The following RNF6 variants were observed in gnomAD, a reference collection of about 807,000 sequenced individuals.
RNF6 encodes the protein ring finger protein 6, also known as E3 ubiquitin-protein ligase RNF6.
Under a neutral mutation model 50.1 loss-of-function variants are expected in RNF6, and 21 were observed. The ratio of observed to expected loss-of-function variants is 0.42; its 90% CI spans 0.30 to 0.60. The LOEUF is 0.60. Among genes scored for constraint, RNF6 ranks in the 20% least tolerant of loss-of-function variants. The pLI, the probability that RNF6 is intolerant of heterozygous loss-of-function variation, is 0.20. For missense variants in RNF6, 698 were observed against 838.2 expected, an observed-to-expected ratio of 0.83 and a Z score of 2.07; for synonymous variants, 255 against 291.8, an observed-to-expected ratio of 0.87 and a Z score of 1.29.
chr13:26,185,833 C>T (rs1482654462), intron 5 of RNF6, among the ~76,000 whole-genome samples: 1 of 152,206 alleles, frequency 6.6e-6, no homozygotes, highest in African/African-American at 2.4e-5. Flanking sequence ...CGCCTAACTA[C>T]GAACCTTGTG....
At chr13:26,170,709 T>C (rs1327403850) in intron 5 of RNF6, among the ~76,000 whole-genome samples, 2 of 152,190 alleles carry the variant, frequency 1.3e-5, no homozygotes, top group African/African-American at 4.8e-5. Context: ...AGTACCTCCC[T>C]AAACACTTCT....
intron 2 of RNF6, 116 bp from the exon 3 acceptor site, chr13:26,219,783 G>GT (rs1267491484): frequency 1.2e-6 from 1 of 859,638 alleles, no homozygotes; most frequent in African/African-American, 1.7e-5. Context: ...CCCAAATACT[G>GT]TATTTGCCAA....
At chr13:26,217,145 G>A (rs1003746410) in intron 4 of RNF6, among the ~76,000 whole-genome samples, 14 of 152,166 alleles carry the variant, frequency 9.2e-5, no homozygotes, top group Non-Finnish European at 2.1e-4. Flanking sequence ...TATATTTGAT[G>A]AGTACATTTT....
chr13:26,137,066 C>G (rs922991315), intron 5 of RNF6, among the ~76,000 whole-genome samples: 1 of 152,158 alleles, frequency 6.6e-6, no homozygotes, highest in Non-Finnish European at 1.5e-5. Flanking sequence ...AGCTACAGCT[C>G]CTTCGAAAAT....
chr13:26,219,968 C>T (rs1338639973), intron 2 of RNF6, among the ~76,000 whole-genome samples: 2 of 152,184 alleles, frequency 1.3e-5, no homozygotes, highest in African/African-American at 2.4e-5. Context: ...TGTTGACGAT[C>T]TGGAAAAGTT....
At chr13:26,161,518 T>C (rs1872214082) in intron 5 of RNF6, among the ~76,000 whole-genome samples, 1 of 152,248 alleles carries the variant, frequency 6.6e-6, no homozygotes, top group South Asian at 2.1e-4. Context: ...TGTTTTATTT[T>C]TGAAAATATT....
intron 5 of RNF6, among the ~76,000 whole-genome samples, chr13:26,168,012 A>C (rs301061): frequency 2.6e-5 from 4 of 152,214 alleles, no homozygotes; most frequent in African/African-American, 4.8e-5. Context: ...ACATGGACAC[A>C]AAGAGGAAAA....
intron 5 of RNF6, among the ~76,000 whole-genome samples, chr13:26,183,985 A>G (rs1167350415): frequency 7.2e-6 from 1 of 138,774 alleles, no homozygotes; most frequent in Non-Finnish European, 1.5e-5. Flanking sequence ...ACCAGCAGAT[A>G]AATAAAATAT....
At chr13:26,219,319 A>T (rs1196775669) in intron 3 of RNF6, 138 bp downstream of exon 3, 2 of 709,634 alleles carry the variant, frequency 2.8e-6, no homozygotes, top group Non-Finnish European at 4.4e-6. Context: ...TATACTAAAA[A>T]GTTCTTAAAC....
At chr13:26,171,892 C>T (rs748444884) in intron 5 of RNF6, among the ~76,000 whole-genome samples, 9 of 152,114 alleles carry the variant, frequency 5.9e-5, no homozygotes, top group East Asian at 3.9e-4. Flanking sequence ...TAGAAGTTAT[C>T]GGGGCTAGGG....
rs1593206653 is a variant in RNF6 at position 26,222,278 on chromosome 13, T to A, written c.-377A>T. The A allele has an allele frequency of 6.6e-6, 1 of 151,648 alleles. No homozygotes were observed. The highest frequency in any genetic ancestry group is 6.6e-5 in the Admixed American group (1 of 15,222). The allele number at this position is 151,648 out of a possible 1,614,324, so 9.4% of individuals were successfully genotyped here. ...ACGCCGCCCACTTGGCGGCGGGGAG[T>A]CGCTCCGCAGCCGGCCCGGAGCTCG... On this transcript the variant is annotated 5_prime_UTR_variant, in exon 1 of 5. Coordinates refer to ENST00000381588, the MANE Select transcript of RNF6 (RefSeq NM_005977.4).
intron 5 of RNF6, among the ~76,000 whole-genome samples, chr13:26,152,416 T>A (rs769926101): frequency 3.9e-5 from 6 of 152,226 alleles, no homozygotes; most frequent in Non-Finnish European, 7.3e-5. Flanking sequence ...AAATGTCACC[T>A]CTTTTCAGTA....
At chr13:26,221,485 G>C (rs1484160329) in intron 1 of RNF6, 155 bp from the exon 2 acceptor site, 1 of 152,120 alleles carries the variant, frequency 6.6e-6, no homozygotes, top group Non-Finnish European at 1.5e-5. Context: ...ATACAATTAG[G>C]TCACGAAAAC....
intron 1 of RNF6, 21 bp downstream of exon 1, chr13:26,221,982 A>T (rs1466012175): frequency 6.6e-6 from 1 of 152,322 alleles, no homozygotes; most frequent in African/African-American, 2.4e-5. Context: ...GGTGGGACCC[A>T]GATCTTTCCC....
intron 5 of RNF6, chr13:26,142,497 A>T (rs1435670050): frequency 6.6e-6 from 1 of 152,194 alleles, no homozygotes; most frequent in Non-Finnish European, 1.5e-5. Context: ...GGTGGACTGG[A>T]TAAAGAAAAT....
downstream of RNF6, among the ~76,000 whole-genome samples, chr13:26,208,328 G>A (rs1236734201): frequency 6.6e-6 from 1 of 152,194 alleles, no homozygotes; most frequent in Non-Finnish European, 1.5e-5. Context: ...GAGGGTGCCT[G>A]TATGACCAGC....
At chr13:26,184,018 A>ATATATATATATATATATATTTTT (rs1335766541) in intron 5 of RNF6, among the ~76,000 whole-genome samples, 1 of 33,942 alleles carries the variant, frequency 2.9e-5, no homozygotes, top group African/African-American at 9.3e-5. Context: ...ATATATATAT[A>ATATATATATATATATATATTTTT]TTTTTTTTTT....
At chr13:26,163,350 C>T (rs1013218192) in intron 5 of RNF6, among the ~76,000 whole-genome samples, 5 of 151,860 alleles carry the variant, frequency 3.3e-5, no homozygotes, top group African/African-American at 1.2e-4. Flanking sequence ...AGTTTTGTTT[C>T]GTCCATACTC....
In RNF6 at chr13:26,183,926, AT is replaced by A. The variant is rs1263349265; in HGVS notation, n.768+31547del. On this transcript the variant is annotated intron_variant and non_coding_transcript_variant, in intron 5 of 5. Coordinates refer to the RNF6 transcript ENST00000468480. ...TATATATGTAATATATACAATATTT[AT>A]TTTTTTATAATTATTCATATATATA... 9.9e-3 allele frequency among the ~76,000 whole-genome samples: 1,399 copies of A among 140,686 alleles called. 44 individuals are homozygous for A. The highest frequency in any genetic ancestry group is 0.064 in the Admixed American group (897 of 13,908). The allele number at this position is 140,686 out of a possible 152,430, so 92.3% of individuals were successfully genotyped here.
Sources: allele counts gnomAD v4.1 joint callset (sites outside exome capture counted in the v4.1 genomes callset), GRCh38; gene constraint gnomAD v4.1.1; transcripts MANE v1.5; gene names NCBI Gene and HGNC (gene_info 2026-07-23, HGNC 2026-07-21).